MFN1: variants seen among roughly 807,000 people sequenced by gnomAD.
MFN1 encodes mitofusin-1.
Under a neutral mutation model 92.4 loss-of-function variants are expected in MFN1, and 65 were observed. That is an observed-to-expected ratio of 0.70 (90% confidence interval 0.58 to 0.86). MFN1 has a LOEUF of 0.86. Ranked by LOEUF, MFN1 falls within the 40% of genes least tolerant of loss-of-function variation. The pLI is 0.00. For synonymous variants in MFN1, 297 were observed against 300.9 expected, an observed-to-expected ratio of 0.99 and a Z score of 0.13; for missense variants, 781 against 868.0, an observed-to-expected ratio of 0.90 and a Z score of 1.26.
In MFN1 at chr3:179,380,269, T is replaced by A. The variant is rs535767284; in HGVS notation, c.1662+1455T>A. Among the ~76,000 whole-genome samples, 4 of 152,336 alleles carry A rather than the reference T, an allele frequency of 2.6e-5. No homozygotes were observed. In the East Asian group the frequency reaches 7.7e-4, roughly 29 times the overall value. ...ATGAAACATCACTGTTTTGCCATTA[T>A]TGACCCAGAAAGACACTGACTACAG... On this transcript the variant is annotated intron_variant, in intron 14 of 17. Transcript: ENST00000471841.
intron 3 of MFN1, among the ~76,000 whole-genome samples, chr3:179,355,340 T>C (rs1712308210): frequency 6.6e-6 from 1 of 152,138 alleles, no homozygotes; most frequent in East Asian, 1.9e-4. Context: ...CCTCATCTCC[T>C]GGGAATGCAG....
intron 10 of MFN1, among the ~76,000 whole-genome samples, chr3:179,375,766 T>C (rs1560197244): frequency 6.6e-6 from 1 of 152,216 alleles, no homozygotes; most frequent in Non-Finnish European, 1.5e-5. Context: ...TTGTGTTTGT[T>C]TATTGCCTGG....
At chr3:179,378,117 A>G (rs1286940044) in intron 12 of MFN1, 8 of 510,766 alleles carry the variant, frequency 1.6e-5, no homozygotes, top group South Asian at 4.9e-5. Flanking sequence ...CCAGTTACTC[A>G]GGAGTCTGAG....
rs369780580 is a variant in MFN1, at chr3:179,355,418, T to G, written c.248+3383T>G. Among the ~76,000 whole-genome samples, 40 of 152,252 alleles carry G rather than the reference T, an allele frequency of 2.6e-4. 1 individual carries two copies. In the South Asian group the frequency reaches 7.9e-3, roughly 30 times the overall value. ...ATGGAGTTGCTCTGCTTCAAACACC[T>G]CTGACAGTAGTATAGGCAGGAAATT... On this transcript the variant is annotated intron_variant, in intron 3 of 17. Coordinates refer to ENST00000471841, the MANE Select transcript of MFN1 (RefSeq NM_033540.3).
rs564520874 is a variant in MFN1, at chr3:179,373,796, C to A, written c.976-1424C>A. ...TCTCGCCATTCTCCTGCCTCAGCCTCCCGAGTAGCTGGGACTACAAGCGCG... is the reference window on the plus strand; with the variant it reads ...TCTCGCCATTCTCCTGCCTCAGCCTACCGAGTAGCTGGGACTACAAGCGCG... On this transcript the variant is annotated intron_variant, in intron 9 of 17. Coordinates refer to ENST00000471841, the MANE Select transcript of MFN1 (RefSeq NM_033540.3). Among the ~76,000 whole-genome samples, 15 of 152,088 alleles carry A rather than the reference C, an allele frequency of 9.9e-5. No homozygotes were observed. In the East Asian group the frequency reaches 2.9e-3, roughly 30 times the overall value.
rs200775244 is a variant in MFN1 at position 179,375,227 on chromosome 3, T to A, written c.983T>A (p.Ile328Asn). ...GGCTTGGGCCCCTCGCAGGAGTGTA[T>A]CTCGCAGTCAGCAGTGAAAACAAAG... ...QNFEQIFEECISQSAVKTKFE... is the reference protein window; with the variant it reads ...QNFEQIFEECNSQSAVKTKFE... The change falls in exon 10 of 18, where the codon ATC (isoleucine) becomes AAC (asparagine). Residue 328 changes from isoleucine to asparagine, a missense_variant. Coordinates refer to ENST00000471841, the MANE Select transcript of MFN1 (RefSeq NM_033540.3). 6.2e-7 allele frequency: 1 copy of A among 1,612,754 alleles called. No homozygotes were observed. The highest frequency in any genetic ancestry group is 1.7e-5 in the Admixed American group (1 of 59,762).
Position 179,377,169 on chromosome 3 carries a change from G to C in MFN1, c.1224+1G>C. 6.2e-7 allele frequency: 1 copy of C among 1,611,798 alleles called. No homozygotes were observed. The highest frequency in any genetic ancestry group is 1.7e-4 in the Middle Eastern group (1 of 6,044). ...GGTTACCGAGGAGGTGGCAAACAAA[G>C]TGGGTAACAGTAGCTTCATGATTAA... On this transcript the variant is annotated splice_donor_variant, in intron 11 of 17. Coordinates refer to ENST00000471841, the MANE Select transcript of MFN1 (RefSeq NM_033540.3). LOFTEE classifies it high-confidence loss of function.
chr3:179,353,285 C>T (rs1286432892), intron 3 of MFN1, among the ~76,000 whole-genome samples: 4 of 145,454 alleles, frequency 2.8e-5, no homozygotes, highest in African/African-American at 5.1e-5. Context: ...AGGCTGGTCT[C>T]GAACTACTGA....
At chr3:179,353,220 A>ATTTTTT (rs34658521) in intron 3 of MFN1, among the ~76,000 whole-genome samples, 3 of 130,892 alleles carry the variant, frequency 2.3e-5, no homozygotes, top group Non-Finnish European at 3.2e-5. Flanking sequence ...CACCTGGCTA[A>ATTTTTT]TTTTTTTTTT....
chr3:179,387,242 C>T (rs1399807955), intron 16 of MFN1, among the ~76,000 whole-genome samples: 1 of 152,038 alleles, frequency 6.6e-6, no homozygotes, highest in Non-Finnish European at 1.5e-5. Flanking sequence ...CTTCAGCAGA[C>T]CTATTCTAAA....
chr3:179,355,905 T>A (rs1344294456), intron 3 of MFN1, among the ~76,000 whole-genome samples: 2 of 151,436 alleles, frequency 1.3e-5, no homozygotes, highest in Non-Finnish European at 2.9e-5. Context: ...TGAGCTTACA[T>A]CGCACCACTG....
chr3:179,351,066 A>G (rs1712128175), intron 2 of MFN1, among the ~76,000 whole-genome samples: 1 of 152,194 alleles, frequency 6.6e-6, no homozygotes, highest in African/African-American at 2.4e-5. Flanking sequence ...CGGCCTCCCA[A>G]AGTGCTAGGA....
intron 9 of MFN1, among the ~76,000 whole-genome samples, chr3:179,373,890 G>A (rs1293508278): frequency 6.6e-6 from 1 of 152,040 alleles, no homozygotes; most frequent in East Asian, 2.0e-4. Flanking sequence ...AGCCTGGATG[G>A]TCTCAATCTC....
chr3:179,390,931 A>T (rs1270707362), intron 17 of MFN1, among the ~76,000 whole-genome samples: 1 of 152,192 alleles, frequency 6.6e-6, no homozygotes, highest in Non-Finnish European at 1.5e-5. Flanking sequence ...TTATCCATCC[A>T]TAGTGTCTTC....
At chr3:179,373,534 A>C (rs1172760375) in intron 9 of MFN1, among the ~76,000 whole-genome samples, 1 of 152,190 alleles carries the variant, frequency 6.6e-6, no homozygotes, top group Non-Finnish European at 1.5e-5. Context: ...CCTAATTTTT[A>C]AAAAATTTAT....
chr3:179,370,226 CTTGT>C (rs1286315793), intron 9 of MFN1, among the ~76,000 whole-genome samples: 6 of 151,766 alleles, frequency 4.0e-5, no homozygotes, highest in African/African-American at 1.5e-4. Flanking sequence ...TTTTGAATCT[CTTGT>C]TTCTCACTTC....
intron 9 of MFN1, among the ~76,000 whole-genome samples, chr3:179,373,161 C>T (rs1263715966): frequency 1.3e-5 from 2 of 152,116 alleles, no homozygotes; most frequent in East Asian, 1.9e-4. Context: ...AATTAATTAC[C>T]CTCATGTGCT....
At position 179,390,164 on chromosome 3, in the gene MFN1, T is replaced by C. The variant is rs776402192; in HGVS notation, c.2147+26T>C. 1.3e-5 allele frequency: 20 copies of C among 1,501,498 alleles called. No individual in the cohort carries two copies. The South Asian group carries it at 2.6e-4, about 20-fold the overall frequency. 93.0% of individuals were successfully genotyped at this position (1,501,498 alleles called of 1,614,324 possible). A position where few individuals can be genotyped will look rare whatever the true frequency, so the allele number is the denominator to read the frequency against. ...GTATTTAAACCTTTCTTCTCAATAA[T>C]TTGAACATTTACTGGTCTCATTACA... On this transcript the variant is annotated intron_variant, in intron 17 of 17. Transcript: ENST00000471841.
intron 12 of MFN1, 107 bp downstream of exon 12, chr3:179,377,555 G>C: frequency 1.6e-6 from 1 of 633,542 alleles, no homozygotes. Context: ...AAATGAAACT[G>C]TTAGATCTCT....
Sources: allele counts gnomAD v4.1 joint callset (sites outside exome capture counted in the v4.1 genomes callset), GRCh38; gene constraint gnomAD v4.1.1; transcripts MANE v1.5; gene names NCBI Gene and HGNC (gene_info 2026-07-23, HGNC 2026-07-21).